Variants in ARHGEF10L observed in about 807,000 individuals in gnomAD.
The protein encoded by ARHGEF10L is Rho guanine nucleotide exchange factor 10 like, also known as rho guanine nucleotide exchange factor 10-like protein.
In ARHGEF10L, 69 loss-of-function variants were observed where a neutral mutation model predicts 141.2. The observed-to-expected ratio is 0.49, with a 90% CI of 0.40 to 0.60. The LOEUF (loss-of-function observed/expected upper bound fraction) is 0.60. Among genes scored for constraint, ARHGEF10L ranks in the 20% least tolerant of loss-of-function variants. The probability of loss-of-function intolerance (pLI) is 0.00; values close to 1 mark genes in which losing one functional copy is unlikely to be tolerated. For synonymous variants in ARHGEF10L, 711 were observed against 718.5 expected (o/e 0.99, Z 0.17); for missense variants, 1,482 against 1,734.3 (o/e 0.85, Z 2.58).
chr1:17,583,568 A>G (rs932058494), intron 2 of ARHGEF10L, among the ~76,000 whole-genome samples: 1 of 152,138 alleles, frequency 6.6e-6, no homozygotes, highest in African/African-American at 2.4e-5. Flanking sequence ...GAGATCAGGA[A>G]ACTAGGAGGG....
chr1:17,621,976 G>A lies in ARHGEF10L; in HGVS notation c.1020+35G>A. ...CAGGGAGTTCTCAAGGGTCTCTGGG[G>A]AGAAGCAGGGAGGGCCCTGGAGGGT... is the stretch of plus-strand genomic sequence containing the variant. On this transcript the variant is annotated intron_variant, in intron 11 of 28. Coordinates refer to ENST00000361221, the MANE Select transcript of ARHGEF10L (RefSeq NM_018125.4). The surrounding 1 kb of genome is among the most constrained non-coding windows in gnomAD (Gnocchi z 4.1). 1.2e-6 allele frequency: 2 copies of A among 1,609,480 alleles called. No homozygotes were observed. The highest frequency in any genetic ancestry group is 1.1e-5 in the South Asian group (1 of 90,966).
At chr1:17,531,014 T>A in the ARHGEF10L span, among the ~76,000 whole-genome samples, 3,287 of 150,204 alleles carry the variant, frequency 0.022, 54 homozygotes, top group Middle Eastern at 0.037. Context: ...CAAAAAAAAA[T>A]AAAAATAAAA....
At chr1:17,608,037 G>A in intron 7 of ARHGEF10L, 60 bp downstream of exon 7, 1 of 584,732 alleles carries the variant, frequency 1.7e-6, no homozygotes, top group East Asian at 8.4e-5. Context: ...TTCAGGGAGG[G>A]AGGGAGGGAG....
In ARHGEF10L at chr1:17,623,912, T is replaced by C. The variant is rs2060239380; in HGVS notation, c.1201-475T>C. On this transcript the variant is annotated intron_variant, in intron 12 of 28. Coordinates refer to ENST00000361221, the MANE Select transcript of ARHGEF10L (RefSeq NM_018125.4). This position sits in a 1 kb window ranked among gnomAD's most constrained non-coding sequence, Gnocchi z 4.7. ...ATATCAAGGGGCTCTGGAGAGAGAG[T>C]TGATTGACTCCAGGCCGACCATCCC... Among the ~76,000 whole-genome samples the C allele has an allele frequency of 6.6e-6, 1 of 151,964 alleles. No homozygotes were observed. Among genetic ancestry groups the C allele is most frequent in the Admixed American group, 6.5e-5 (1 of 15,278 alleles).
chr1:17,552,576 T>G (rs1387268582), intron 1 of ARHGEF10L, among the ~76,000 whole-genome samples: 5 of 95,462 alleles, frequency 5.2e-5, no homozygotes, highest in South Asian at 3.5e-4. Context: ...TTTTCGTTTT[T>G]TTTTTTTTTT....
rs148730681 is a variant in ARHGEF10L, at chr1:17,655,966, C to T, written c.2569C>T (p.Leu857=). 25 of 1,563,814 alleles carry T rather than the reference C, an allele frequency of 1.6e-5. No individual in the cohort carries two copies. Among genetic ancestry groups the T allele is most frequent in the African/African-American group, 4.1e-5 (3 of 73,898 alleles). ...GCCCCGCACCGTCAAGTCCTTCCCA[C>T]TGGCAGCCCCTGTGCTCTGCATGGA... ...PSPRTVKSFP[L]AAPVLCMEYI... is the part of the protein sequence containing the mutation. Residue 857 remains leucine (L), a synonymous_variant, in exon 24 of 29, where the codon CTG becomes TTG. Transcript: ENST00000361221.
intron 26 of ARHGEF10L, among the ~76,000 whole-genome samples, chr1:17,676,923 C>A (rs776223881): frequency 2.0e-5 from 3 of 151,930 alleles, no homozygotes; most frequent in Non-Finnish European, 4.4e-5. Context: ...GCCCAACTGC[C>A]TCCACTAGTT....
chr1:17,618,489 C>A, intron 9 of ARHGEF10L: 1 of 1,448,034 alleles, frequency 6.9e-7, no homozygotes, highest in Non-Finnish European at 9.1e-7. Context: ...CATCCGCTGT[C>A]CCTCCTCCTC....
chr1:17,526,522 A>T, the ARHGEF10L span, among the ~76,000 whole-genome samples: 1 of 152,194 alleles, frequency 6.6e-6, no homozygotes. Flanking sequence ...TCCCAGGCAG[A>T]TCACTAAACC....
chr1:17,538,633 G>A (rs111777441), upstream of ARHGEF10L, among the ~76,000 whole-genome samples: 169 of 150,212 alleles, frequency 1.1e-3, no homozygotes, highest in African/African-American at 4.0e-3. Context: ...GCTGGGGTCT[G>A]TCTGGTTCTT....
the ARHGEF10L span, among the ~76,000 whole-genome samples, chr1:17,516,141 C>G: frequency 2.0e-5 from 3 of 152,228 alleles, no homozygotes; most frequent in Admixed American, 2.0e-4. Flanking sequence ...AGCCGGTTGC[C>G]CGGCAGCCTT....
Position 17,666,637 on chromosome 1 carries a change from C to T in ARHGEF10L, c.3009+2042C>T, listed in dbSNP as rs139477261. Among the ~76,000 whole-genome samples, 979 of 152,206 alleles carry T rather than the reference C, an allele frequency of 6.4e-3. 13 individuals carry two copies. Among genetic ancestry groups the T allele is most frequent in the African/African-American group, 0.023 (958 of 41,530 alleles). On this transcript the variant is annotated intron_variant, in intron 26 of 28. Coordinates refer to ENST00000361221, the MANE Select transcript of ARHGEF10L (RefSeq NM_018125.4). Reference sequence around the variant, plus strand: ...GCCTTAGCACTCCCGGTTCCTCGGTCCCCTTTCTCCCCCAAGAACAGCTGG... The same window carrying T: ...GCCTTAGCACTCCCGGTTCCTCGGTTCCCTTTCTCCCCCAAGAACAGCTGG...
chr1:17,563,746 G>A (rs1305388829), intron 1 of ARHGEF10L, among the ~76,000 whole-genome samples: 1 of 152,158 alleles, frequency 6.6e-6, no homozygotes, highest in Non-Finnish European at 1.5e-5. Flanking sequence ...TTGCTAGGTT[G>A]TGGAGCTGGG....
Position 17,637,884 on chromosome 1 carries a change from C to A in ARHGEF10L, c.1928-4C>A, listed in dbSNP as rs1035627120. 3 of 1,580,858 alleles carry A rather than the reference C, an allele frequency of 1.9e-6. No homozygotes were observed. Among genetic ancestry groups the A allele is most frequent in the Non-Finnish European group, 1.7e-6 (2 of 1,162,942 alleles). ...GTGCCTGAGTTGGTCTCTTCTCTGC[C>A]CAGATAAGGTGTACCTCGGCCCCCC... On this transcript the variant is annotated splice_polypyrimidine_tract_variant and splice_region_variant and intron_variant, in intron 18 of 28. Coordinates refer to ENST00000361221, the MANE Select transcript of ARHGEF10L (RefSeq NM_018125.4).
At chr1:17,636,681 G>A (rs1287319677) in intron 18 of ARHGEF10L, among the ~76,000 whole-genome samples, 2 of 152,086 alleles carry the variant, frequency 1.3e-5, no homozygotes, top group African/African-American at 4.8e-5. Context: ...CTCTTTGCTT[G>A]TTACCAGGTG....
At position 17,656,527 on chromosome 1, in the gene ARHGEF10L, G is replaced by T; in HGVS notation, c.2706-27G>T. On this transcript the variant is annotated intron_variant, in intron 24 of 28. Coordinates refer to ENST00000361221, the MANE Select transcript of ARHGEF10L (RefSeq NM_018125.4). This position sits in a 1 kb window ranked among gnomAD's most constrained non-coding sequence, Gnocchi z 4.9. ...TGGGTGGGAGTGCTCAGTGTGTCAT[G>T]ACCGCTTCTCCAACCTCTCCCCGCA... 1 of 1,598,608 alleles carries T rather than the reference G, an allele frequency of 6.3e-7. No homozygotes were observed. Among genetic ancestry groups the T allele is most frequent in the South Asian group, 1.1e-5 (1 of 89,392 alleles).
At chr1:17,593,158 T>C (rs2079728859) in intron 4 of ARHGEF10L, among the ~76,000 whole-genome samples, 2 of 152,226 alleles carry the variant, frequency 1.3e-5, no homozygotes, top group African/African-American at 2.4e-5. Context: ...CAAGGAATCC[T>C]GTGACGTTCC....
chr1:17,583,441 G>A (rs1328479163), intron 2 of ARHGEF10L, among the ~76,000 whole-genome samples: 2 of 152,136 alleles, frequency 1.3e-5, no homozygotes, highest in African/African-American at 2.4e-5. Context: ...AATCATCATC[G>A]TCAGAAAAGC....
In ARHGEF10L at chr1:17,627,236, T is replaced by G. The variant is rs566984394; in HGVS notation, c.1411-94T>G. ...CAGGCCGGGCCCTTTGCAGACCCAG[T>G]GTGTGTAGGGGGTTGCGCAGGGTGA... On this transcript the variant is annotated intron_variant, in intron 14 of 28. Transcript: ENST00000361221. The surrounding 1 kb of genome is among the most constrained non-coding windows in gnomAD (Gnocchi z 4.0). 6.9e-7 allele frequency: 1 copy of G among 1,457,110 alleles called. No homozygotes were observed. Among genetic ancestry groups the G allele is most frequent in the Admixed American group, 2.0e-5 (1 of 50,366 alleles). 90.3% of individuals were successfully genotyped at this position (1,457,110 alleles called of 1,614,324 possible). A position where few individuals can be genotyped will look rare whatever the true frequency, so the allele number is the denominator to read the frequency against.
Sources: allele counts gnomAD v4.1 joint callset (sites outside exome capture counted in the v4.1 genomes callset), GRCh38; gene constraint gnomAD v4.1.1; non-coding constraint Gnocchi (gnomAD v3.1); transcripts MANE v1.5; gene names NCBI Gene and HGNC (gene_info 2026-07-23, HGNC 2026-07-21).